Variants in SLC2A9 observed in about 807,000 individuals in gnomAD.
SLC2A9 encodes the protein solute carrier family 2, facilitated glucose transporter member 9.
Under a neutral mutation model 50.6 loss-of-function variants are expected in SLC2A9, and 39 were observed. The ratio of observed to expected loss-of-function variants is 0.77; its 90% CI spans 0.60 to 1.01. SLC2A9 has a LOEUF of 1.01. Ranked by LOEUF, SLC2A9 falls within the 50% of genes least tolerant of loss-of-function variation. SLC2A9 has a pLI of 0.00. For synonymous variants in SLC2A9, 324 were observed against 276.9 expected (o/e 1.17, Z -1.69); for missense variants, 686 against 677.6 (o/e 1.01, Z -0.14).
intron 5 of SLC2A9, among the ~76,000 whole-genome samples, chr4:9,957,710 G>T: frequency 6.6e-6 from 1 of 151,968 alleles, no homozygotes; most frequent in African/African-American, 2.4e-5. Context: ...AAAATACAGT[G>T]GACAAGTTGG....
chr4:9,973,768 A>G lies in SLC2A9; in HGVS notation c.681+6824T>C, dbSNP rs145335379. On this transcript the variant is annotated intron_variant, in intron 5 of 11. Coordinates refer to ENST00000264784, the MANE Select transcript of SLC2A9 (RefSeq NM_020041.3). ...GGAGGTATACTTAATGTTAAATGACAAGTTAATGGGTGCAACACACCAATA... is the reference window on the plus strand; with the variant it reads ...GGAGGTATACTTAATGTTAAATGACGAGTTAATGGGTGCAACACACCAATA... Among the ~76,000 whole-genome samples the G allele has an allele frequency of 9.1e-3, 1,382 of 151,510 alleles. 27 individuals carry two copies. The highest frequency in any genetic ancestry group is 0.032 in the African/African-American group (1,332 of 41,248).
intron 2 of SLC2A9, among the ~76,000 whole-genome samples, chr4:10,005,615 C>T (rs1193453598): frequency 6.6e-6 from 1 of 152,220 alleles, no homozygotes; most frequent in African/African-American, 2.4e-5. Flanking sequence ...TTATGAGTTG[C>T]TCCAGAAGCA....
chr4:9,968,170 T>C (rs1242934621), intron 5 of SLC2A9, among the ~76,000 whole-genome samples: 1 of 152,176 alleles, frequency 6.6e-6, no homozygotes, highest in Non-Finnish European at 1.5e-5. Context: ...CTCCATTTAA[T>C]TTAACTAGTT....
chr4:9,869,068 T>C (rs1732977255), intron 10 of SLC2A9, among the ~76,000 whole-genome samples: 1 of 152,176 alleles, frequency 6.6e-6, no homozygotes, highest in Admixed American at 6.5e-5. Context: ...ATGAAAATGG[T>C]CAACTAAATT....
At chr4:9,997,479 C>A (rs990744016) in intron 2 of SLC2A9, among the ~76,000 whole-genome samples, 27 of 152,162 alleles carry the variant, frequency 1.8e-4, no homozygotes, top group African/African-American at 6.3e-4. Context: ...ATGGGTGGGT[C>A]ACTTGAGGCC....
chr4:9,939,002 G>A (rs960555057), intron 6 of SLC2A9, among the ~76,000 whole-genome samples: 3 of 152,142 alleles, frequency 2.0e-5, no homozygotes, highest in Non-Finnish European at 2.9e-5. Flanking sequence ...GCCTCCCTAC[G>A]TTTATGTCCT....
downstream of SLC2A9, among the ~76,000 whole-genome samples, chr4:9,795,816 C>T (rs1577306648): frequency 6.6e-6 from 1 of 152,302 alleles, no homozygotes; most frequent in East Asian, 1.9e-4. Context: ...CATTTTCACA[C>T]TCTCTGTCCA....
chr4:9,794,815 T>C (rs1170545189), downstream of SLC2A9, among the ~76,000 whole-genome samples: 13 of 152,064 alleles, frequency 8.5e-5, no homozygotes, highest in Non-Finnish European at 1.6e-4. Context: ...AACGAGGGGA[T>C]CTGATACTTT....
intron 2 of SLC2A9, among the ~76,000 whole-genome samples, chr4:10,003,641 G>A (rs1012242868): frequency 1.3e-5 from 2 of 152,172 alleles, no homozygotes; most frequent in Non-Finnish European, 2.9e-5. Flanking sequence ...GAAAGGCCTT[G>A]TTACCACAAG....
At chr4:9,918,683 G>T (rs549034559) in intron 7 of SLC2A9, among the ~76,000 whole-genome samples, 2 of 152,328 alleles carry the variant, frequency 1.3e-5, no homozygotes, top group African/African-American at 4.8e-5. Flanking sequence ...GAGGTTTGCA[G>T]CCCAGTAGGT....
At chr4:9,817,875 C>T (rs1391599053) in intron 3 of SLC2A9, among the ~76,000 whole-genome samples, 1 of 152,200 alleles carries the variant, frequency 6.6e-6, no homozygotes, top group Non-Finnish European at 1.5e-5. Context: ...TGCCAGAGGC[C>T]AAGCTCGACC....
chr4:9,971,805 A>G (rs1753947638), intron 5 of SLC2A9, among the ~76,000 whole-genome samples: 1 of 152,250 alleles, frequency 6.6e-6, no homozygotes, highest in Non-Finnish European at 1.5e-5. Context: ...AGATTCTCAT[A>G]TACAGATGCC....
chr4:10,017,500 G>A (rs1257811676), intron 2 of SLC2A9, among the ~76,000 whole-genome samples: 1 of 152,208 alleles, frequency 6.6e-6, no homozygotes, highest in Admixed American at 6.5e-5. Flanking sequence ...ACAGTTTTTA[G>A]CAACAGAAAT....
chr4:9,781,217 CG>C (rs1456102982), intron 3 of SLC2A9, among the ~76,000 whole-genome samples: 1 of 152,128 alleles, frequency 6.6e-6, no homozygotes, highest in African/African-American at 2.4e-5. Flanking sequence ...AAACCAAGGC[CG>C]GGTAAAGTTA....
In SLC2A9 at chr4:9,826,294, G is replaced by A. The variant is rs538990095; in HGVS notation, c.*103C>T. 9.5e-5 allele frequency: 110 copies of A among 1,163,350 alleles called. 2 individuals carry two copies. The South Asian group carries it at 1.4e-3, about 14-fold the overall frequency. The allele number at this position is 1,163,350 out of a possible 1,614,324, so 72.1% of individuals were successfully genotyped here. On this transcript the variant is annotated 3_prime_UTR_variant, in exon 12 of 12. Coordinates refer to ENST00000264784, the MANE Select transcript of SLC2A9 (RefSeq NM_020041.3). Reference sequence around the variant, plus strand: ...ACTTGCATAGCTTCAATTCATTTAAGCTTCCCAATAATGGGTAAATTTTAA... The same window carrying A: ...ACTTGCATAGCTTCAATTCATTTAAACTTCCCAATAATGGGTAAATTTTAA...
intron 3 of SLC2A9, among the ~76,000 whole-genome samples, chr4:9,781,099 G>A (rs1471818048): frequency 6.6e-6 from 1 of 152,070 alleles, no homozygotes; most frequent in South Asian, 2.1e-4. Flanking sequence ...GGAAGCGGGA[G>A]CCTGTTCCTA....
intron 10 of SLC2A9, among the ~76,000 whole-genome samples, chr4:9,863,547 C>T (rs1467772160): frequency 6.6e-6 from 1 of 152,104 alleles, no homozygotes; most frequent in Non-Finnish European, 1.5e-5. Context: ...AAAGCACATG[C>T]ATTAGTTTCC....
chr4:9,813,354 C>T (rs373787267), intron 3 of SLC2A9, among the ~76,000 whole-genome samples: 95 of 152,186 alleles, frequency 6.2e-4, no homozygotes, highest in African/African-American at 2.2e-3. Flanking sequence ...TTTACTTGTT[C>T]ACTCCCATGT....
At chr4:9,883,132 T>C (rs1482515384) in intron 10 of SLC2A9, among the ~76,000 whole-genome samples, 3 of 149,470 alleles carry the variant, frequency 2.0e-5, no homozygotes, top group African/African-American at 7.3e-5. Context: ...GCAAGCTATC[T>C]ACACACACAC....
Sources: allele counts gnomAD v4.1 joint callset (sites outside exome capture counted in the v4.1 genomes callset), GRCh38; gene constraint gnomAD v4.1.1; transcripts MANE v1.5; gene names NCBI Gene and HGNC (gene_info 2026-07-23, HGNC 2026-07-21).